MEI4: variants seen among roughly 807,000 people sequenced by gnomAD.
MEI4 encodes meiosis-specific protein MEI4.
A neutral mutation model predicts 31.4 loss-of-function variants in MEI4; 27 were observed. That is an observed-to-expected ratio of 0.86 (90% CI 0.63 to 1.19). The LOEUF (loss-of-function observed/expected upper bound fraction) is 1.19. MEI4 is among the 50% of genes most tolerant of loss of function. The pLI, the probability that MEI4 is intolerant of heterozygous loss-of-function variation, is 0.00. For synonymous variants in MEI4, 122 were observed against 145.4 expected (o/e 0.84, Z 1.16); for missense variants, 329 against 398.9 (o/e 0.82, Z 1.49).
At chr6:77,877,281 A>T (rs1011914670) in intron 4 of MEI4, among the ~76,000 whole-genome samples, 1 of 151,816 alleles carries the variant, frequency 6.6e-6, no homozygotes, top group Non-Finnish European at 1.5e-5. Flanking sequence ...ATATATATAT[A>T]TTTTATATAT....
intron 2 of MEI4, among the ~76,000 whole-genome samples, chr6:77,699,156 G>A (rs930151724): frequency 7.1e-6 from 1 of 141,436 alleles, no homozygotes; most frequent in East Asian, 2.1e-4. Flanking sequence ...GGTTATTCTA[G>A]TTATCCATTC....
chr6:77,795,058 T>C (rs2127697642), intron 3 of MEI4, among the ~76,000 whole-genome samples: 1 of 152,300 alleles, frequency 6.6e-6, no homozygotes, highest in African/African-American at 2.4e-5. Context: ...GCCTAGCTTA[T>C]GGGTTGTAGT....
At chr6:77,716,416 C>T (rs1416807598) in intron 2 of MEI4, among the ~76,000 whole-genome samples, 1 of 151,886 alleles carries the variant, frequency 6.6e-6, no homozygotes, top group South Asian at 2.1e-4. Context: ...ATTAGAATTA[C>T]CTGTGTGCTT....
intron 4 of MEI4, among the ~76,000 whole-genome samples, chr6:77,889,655 G>T (rs527496502): frequency 6.6e-6 from 1 of 152,330 alleles, no homozygotes; most frequent in South Asian, 2.1e-4. Flanking sequence ...GATGCTAATT[G>T]CCAAGACAAT....
intron 2 of MEI4, among the ~76,000 whole-genome samples, chr6:77,700,062 C>G (rs1766179222): frequency 6.6e-6 from 1 of 152,228 alleles, no homozygotes; most frequent in East Asian, 1.9e-4. Flanking sequence ...CTTGAGGAGG[C>G]AGTCTGCCCG....
In MEI4 at chr6:77,671,593, A is replaced by G. The variant is rs139841942; in HGVS notation, c.-15+18501A>G. Reference sequence around the variant, plus strand: ...TGCATAAAAATTTTTATTTTGAAGTAGCAACAAATCATTGCATTTTCTATT... The same window carrying G: ...TGCATAAAAATTTTTATTTTGAAGTGGCAACAAATCATTGCATTTTCTATT... On this transcript the variant is annotated intron_variant, in intron 1 of 4. Coordinates refer to ENST00000684080, the MANE Select transcript of MEI4 (RefSeq NM_001322247.2). Among the ~76,000 whole-genome samples the G allele has an allele frequency of 4.5e-4, 68 of 152,320 alleles. No individual in the cohort carries two copies. In the East Asian group the frequency reaches 9.7e-3, roughly 22 times the overall value.
At chr6:77,745,881 A>G (rs989839256) in intron 2 of MEI4, among the ~76,000 whole-genome samples, 4 of 152,234 alleles carry the variant, frequency 2.6e-5, no homozygotes, top group Non-Finnish European at 5.9e-5. Context: ...CTGGGTACAT[A>G]ATGAAATGAA....
intron 3 of MEI4, among the ~76,000 whole-genome samples, chr6:77,800,703 T>G (rs958411990): frequency 2.0e-5 from 3 of 149,358 alleles, no homozygotes; most frequent in Non-Finnish European, 4.5e-5. Context: ...TAGCATGAAG[T>G]GCTGTTGAAT....
rs142871047 is a variant in MEI4 at position 77,764,593 on chromosome 6, C to A, written c.768+2928C>A. 1.4e-3 allele frequency among the ~76,000 whole-genome samples: 212 copies of A among 152,244 alleles called. 1 individual carries two copies. Among genetic ancestry groups the A allele is most frequent in the African/African-American group, 4.5e-3 (186 of 41,560 alleles). On this transcript the variant is annotated intron_variant, in intron 3 of 4. Transcript: ENST00000684080. ...AAAGAAACAGCTGACTTGAACAACA[C>A]TGTAGAGTAAATGGATTTAATTGAC... is the stretch of plus-strand genomic sequence containing the variant.
intron 2 of MEI4, among the ~76,000 whole-genome samples, chr6:77,692,421 C>G (rs1050133688): frequency 2.6e-5 from 4 of 152,008 alleles, no homozygotes; most frequent in Non-Finnish European, 4.4e-5. Context: ...CAAAGCCTGA[C>G]ACACAGAAGG....
At chr6:77,873,226 A>C (rs1307536131) in intron 4 of MEI4, among the ~76,000 whole-genome samples, 1 of 152,192 alleles carries the variant, frequency 6.6e-6, no homozygotes, top group African/African-American at 2.4e-5. Context: ...CCAACAGTGT[A>C]AAAGTGTTCC....
chr6:77,816,098 T>C (rs1462229552), intron 3 of MEI4, among the ~76,000 whole-genome samples: 1 of 152,110 alleles, frequency 6.6e-6, no homozygotes, highest in African/African-American at 2.4e-5. Context: ...GAAATCTCTA[T>C]CCTTATGAGC....
At chr6:77,890,466 C>T (rs937253335) in intron 4 of MEI4, among the ~76,000 whole-genome samples, 2 of 152,180 alleles carry the variant, frequency 1.3e-5, no homozygotes, top group Non-Finnish European at 2.9e-5. Flanking sequence ...AAAGCCTGTA[C>T]CCCCATTGCT....
At chr6:77,916,300 T>C (rs558931317) in intron 4 of MEI4, among the ~76,000 whole-genome samples, 9 of 152,252 alleles carry the variant, frequency 5.9e-5, no homozygotes, top group Non-Finnish European at 1.3e-4. Context: ...TTACTGTGTT[T>C]AGTGGCAAAA....
intron 3 of MEI4, among the ~76,000 whole-genome samples, chr6:77,797,808 CT>C (rs1294499094): frequency 6.6e-6 from 1 of 152,124 alleles, no homozygotes; most frequent in Non-Finnish European, 1.5e-5. Context: ...GAGGGTGGGT[CT>C]TCATCTGCCA....
intron 3 of MEI4, among the ~76,000 whole-genome samples, chr6:77,773,423 T>A (rs942640005): frequency 6.6e-6 from 1 of 152,052 alleles, no homozygotes; most frequent in Admixed American, 6.5e-5. Context: ...GGCAAGAACA[T>A]ACACTGGAGA....
chr6:77,734,712 G>C (rs566938547), intron 2 of MEI4, among the ~76,000 whole-genome samples: 1 of 151,992 alleles, frequency 6.6e-6, no homozygotes, highest in Non-Finnish European at 1.5e-5. Context: ...GTTAGTTGAT[G>C]CAGTTTCTTC....
chr6:77,684,632 C>G lies in MEI4; in HGVS notation c.-14-6026C>G, dbSNP rs9443440. On this transcript the variant is annotated intron_variant, in intron 1 of 4. Coordinates refer to ENST00000684080, the MANE Select transcript of MEI4 (RefSeq NM_001322247.2). ...GTCTTTCTGTCCCTGGCTTATTTTA[C>G]TTAATATAATTATCTCCGGTTCCAT... Among the ~76,000 whole-genome samples, 1,222 of 152,188 alleles carry G rather than the reference C, an allele frequency of 8.0e-3. 14 individuals carry two copies. The highest frequency in any genetic ancestry group is 0.027 in the African/African-American group (1,106 of 41,538).
chr6:77,845,167 A>G (rs1770451915), intron 4 of MEI4, among the ~76,000 whole-genome samples: 1 of 152,060 alleles, frequency 6.6e-6, no homozygotes, highest in Non-Finnish European at 1.5e-5. Flanking sequence ...TTTGTCTTCT[A>G]CCTTGTGTTG....
Sources: gnomAD v4.1 joint callset for allele counts (sites outside exome capture counted in the v4.1 genomes callset) on GRCh38, gnomAD v4.1.1 for gene constraint, MANE v1.5 for transcripts, NCBI Gene and HGNC (gene_info 2026-07-23, HGNC 2026-07-21) for gene names.